CMTM8: variants seen among roughly 807,000 people sequenced by gnomAD.
CMTM8 encodes the protein CKLF-like MARVEL transmembrane domain-containing protein 8.
In CMTM8, 12 loss-of-function variants were observed where a neutral mutation model predicts 18.6. That is an observed-to-expected ratio of 0.65 (90% CI 0.41 to 1.05). CMTM8 has a LOEUF of 1.05. Ranked by LOEUF, CMTM8 falls within the 50% of genes least tolerant of loss-of-function variation. The pLI, the probability that CMTM8 is intolerant of heterozygous loss-of-function variation, is 0.00. For synonymous variants in CMTM8, 87 were observed against 90.6 expected (o/e 0.96, Z 0.23); for missense variants, 217 against 227.2 (o/e 0.95, Z 0.29).
At chr3:32,248,424 C>T (rs745402542) in intron 1 of CMTM8, among the ~76,000 whole-genome samples, 6 of 152,006 alleles carry the variant, frequency 3.9e-5, no homozygotes, top group African/African-American at 7.3e-5. Context: ...TGCGGTAGCG[C>T]GATCTTGGCT....
intron 1 of CMTM8, among the ~76,000 whole-genome samples, chr3:32,287,148 T>G (rs1378236187): frequency 6.6e-6 from 1 of 152,234 alleles, no homozygotes; most frequent in Non-Finnish European, 1.5e-5. Context: ...CAAAGTTGCT[T>G]TGAGGACTAA....
rs530627237 is a variant in CMTM8, at chr3:32,305,231, G to C, written c.148-52142G>C. ...AGGGAACATTTGGTAATGACTGGAG[G>C]CTTTTTTTTTTTTTTTTCAGACGGA... On this transcript the variant is annotated intron_variant, in intron 1 of 3. Transcript: ENST00000307526. Among the ~76,000 whole-genome samples, 67 of 121,190 alleles carry C rather than the reference G, an allele frequency of 5.5e-4. 1 individual carries two copies. Among genetic ancestry groups the C allele is most frequent in the African/African-American group, 1.9e-3 (65 of 34,060 alleles). 79.5% of individuals were successfully genotyped at this position (121,190 alleles called of 152,430 possible).
intron 1 of CMTM8, among the ~76,000 whole-genome samples, chr3:32,313,912 T>C (rs1695871605): frequency 6.6e-6 from 1 of 152,150 alleles, no homozygotes; most frequent in Non-Finnish European, 1.5e-5. Context: ...ATTTACTGCT[T>C]GAGCCTGGGA....
At chr3:32,238,217 C>G (rs2125523185), upstream of CMTM8, 1 of 152,456 alleles carries the variant, frequency 6.6e-6, no homozygotes, top group East Asian at 1.9e-4. Flanking sequence ...TCATCGATCT[C>G]GGGTCTAAGG....
At chr3:32,250,478 A>C (rs373700930) in intron 1 of CMTM8, among the ~76,000 whole-genome samples, 1 of 152,242 alleles carries the variant, frequency 6.6e-6, no homozygotes, top group Admixed American at 6.5e-5. Context: ...TTTGGTGAGT[A>C]CTGCCATCAT....
At chr3:32,297,756 TAAGGA>T (rs139243578) in intron 1 of CMTM8, among the ~76,000 whole-genome samples, 1,577 of 152,086 alleles carry the variant, frequency 0.01, 35 homozygotes, top group African/African-American at 0.036. Context: ...TTGTGGAAGT[TAAGGA>T]AAGACAAGTT....
At chr3:32,288,508 A>AT (rs111768575) in intron 1 of CMTM8, among the ~76,000 whole-genome samples, 9,763 of 149,562 alleles carry the variant, frequency 0.065, 751 homozygotes, top group East Asian at 0.43. Flanking sequence ...TACAGCTATC[A>AT]TTTTTTTTTT....
At chr3:32,262,963 G>A (rs539028466) in intron 1 of CMTM8, among the ~76,000 whole-genome samples, 3 of 151,558 alleles carry the variant, frequency 2.0e-5, no homozygotes, top group Middle Eastern at 6.8e-3. Flanking sequence ...ACTAAAGAAA[G>A]CTTAAAAGCT....
intron 1 of CMTM8, chr3:32,259,349 G>C (rs2125536298): frequency 1.3e-6 from 1 of 741,898 alleles, no homozygotes; most frequent in Non-Finnish European, 2.5e-6. Context: ...AGACCTGAGG[G>C]CTCAGGTCTT....
chr3:32,273,992 T>C (rs938325731), intron 1 of CMTM8, among the ~76,000 whole-genome samples: 6 of 152,144 alleles, frequency 3.9e-5, no homozygotes, highest in African/African-American at 1.4e-4. Context: ...ATATTTTCTT[T>C]TCATGCCAGC....
intron 1 of CMTM8, among the ~76,000 whole-genome samples, chr3:32,302,441 G>C: frequency 6.6e-6 from 1 of 152,132 alleles, no homozygotes. Flanking sequence ...CGACATCTTA[G>C]GTCACTTTCC....
At chr3:32,316,211 T>C (rs986221877) in intron 1 of CMTM8, among the ~76,000 whole-genome samples, 2 of 151,968 alleles carry the variant, frequency 1.3e-5, no homozygotes, top group Non-Finnish European at 2.9e-5. Flanking sequence ...GTATTTTTAG[T>C]AGAGACGGGG....
intron 2 of CMTM8, among the ~76,000 whole-genome samples, chr3:32,363,502 A>T (rs1696974376): frequency 6.6e-6 from 1 of 152,178 alleles, no homozygotes; most frequent in Non-Finnish European, 1.5e-5. Flanking sequence ...TGGAAGGTGG[A>T]ATCTTTAGGT....
chr3:32,263,798 C>T (rs1016831076), intron 1 of CMTM8, among the ~76,000 whole-genome samples: 6 of 152,116 alleles, frequency 3.9e-5, no homozygotes, highest in East Asian at 1.9e-4. Flanking sequence ...AACTACGTGA[C>T]GAATGCACAA....
rs920577663 is a variant in CMTM8, at chr3:32,342,263, A to C, written c.148-15110A>C. Among the ~76,000 whole-genome samples, 3 of 152,156 alleles carry C rather than the reference A, an allele frequency of 2.0e-5. No individual in the cohort carries two copies. In the East Asian group the frequency reaches 5.8e-4, roughly 29 times the overall value. On this transcript the variant is annotated intron_variant, in intron 1 of 3. Coordinates refer to ENST00000307526, the MANE Select transcript of CMTM8 (RefSeq NM_178868.5). ...ACTCCATCTCAAAAAAACCCAAAAAACAAAAACCTATTTTAGGGGGCTAGC... is the reference window on the plus strand; with the variant it reads ...ACTCCATCTCAAAAAAACCCAAAAACCAAAAACCTATTTTAGGGGGCTAGC...
chr3:32,359,389 A>G (rs1696877326), intron 2 of CMTM8, among the ~76,000 whole-genome samples: 1 of 152,216 alleles, frequency 6.6e-6, no homozygotes, highest in Non-Finnish European at 1.5e-5. Flanking sequence ...CAGGGGTTTG[A>G]GACCAGCCTG....
chr3:32,280,562 C>A (rs1287149032), intron 1 of CMTM8, among the ~76,000 whole-genome samples: 2 of 152,086 alleles, frequency 1.3e-5, no homozygotes, highest in African/African-American at 2.4e-5. Flanking sequence ...GGTATTTAAA[C>A]CCCAGAAAAT....
intron 1 of CMTM8, among the ~76,000 whole-genome samples, chr3:32,295,479 CAAA>C (rs58774314): frequency 1.2e-5 from 1 of 82,466 alleles, no homozygotes; most frequent in Non-Finnish European, 2.1e-5. Context: ...AAAAAAAAAA[CAAA>C]ACAAAACAGC....
chr3:32,344,509 A>G (rs1433453936), intron 1 of CMTM8, among the ~76,000 whole-genome samples: 1 of 152,238 alleles, frequency 6.6e-6, no homozygotes, highest in Admixed American at 6.5e-5. Context: ...CACTGCCATC[A>G]GGTAATTCCT....
Sources: allele counts gnomAD v4.1 joint callset (sites outside exome capture counted in the v4.1 genomes callset), GRCh38; gene constraint gnomAD v4.1.1; transcripts MANE v1.5; gene names NCBI Gene and HGNC (gene_info 2026-07-23, HGNC 2026-07-21).